CCDC191: variants seen among roughly 807,000 people sequenced by gnomAD.
The protein encoded by CCDC191 is coiled-coil domain-containing protein 191.
CCDC191 carries 99 observed loss-of-function variants against 114.0 expected under a neutral mutation model. The observed-to-expected ratio is 0.87, with a 90% confidence interval of 0.74 to 1.03. The LOEUF (loss-of-function observed/expected upper bound fraction) is 1.03. CCDC191 is among the 50% of genes least tolerant of loss of function. The probability of loss-of-function intolerance (pLI) is 0.00; values close to 1 mark genes in which losing one functional copy is unlikely to be tolerated. For missense variants in CCDC191, 973 were observed against 1,087.0 expected, an observed-to-expected ratio of 0.90 and a Z score of 1.47; for synonymous variants, 351 against 376.0, an observed-to-expected ratio of 0.93 and a Z score of 0.77.
intron 13 of CCDC191, among the ~76,000 whole-genome samples, chr3:113,989,734 T>A (rs895390761): frequency 5.9e-5 from 9 of 152,106 alleles, no homozygotes; most frequent in African/African-American, 1.9e-4. Context: ...GCCTGTAATC[T>A]TACCACTTTG....
At chr3:113,971,724 T>C (rs1940844097) in intron 16 of CCDC191, among the ~76,000 whole-genome samples, 1 of 152,198 alleles carries the variant, frequency 6.6e-6, no homozygotes, top group Non-Finnish European at 1.5e-5. Flanking sequence ...TCTTCAGTTT[T>C]TTTTTGAAGA....
intron 7 of CCDC191, among the ~76,000 whole-genome samples, chr3:114,023,039 A>G (rs1361775987): frequency 6.6e-6 from 1 of 152,174 alleles, no homozygotes; most frequent in Admixed American, 6.5e-5. Context: ...ATGTGCAAAA[A>G]CCATAAGCAT....
At chr3:113,988,662 G>T in intron 13 of CCDC191, among the ~76,000 whole-genome samples, 1 of 148,740 alleles carries the variant, frequency 6.7e-6, no homozygotes, top group East Asian at 2.0e-4. Flanking sequence ...TTTTAATCCA[G>T]TTTTATCAAT....
chr3:114,006,096 C>T, intron 9 of CCDC191, 134 bp from the exon 10 acceptor site: 2 of 801,264 alleles, frequency 2.5e-6, no homozygotes, highest in Non-Finnish European at 4.2e-6. Context: ...GTCTGTGCTC[C>T]TGGCCTGGCT....
At chr3:114,030,970 C>T (rs1277831519) in intron 7 of CCDC191, among the ~76,000 whole-genome samples, 1 of 152,150 alleles carries the variant, frequency 6.6e-6, no homozygotes, top group Non-Finnish European at 1.5e-5. Flanking sequence ...TCTGCCCAGT[C>T]AGTCCTTTTA....
intron 8 of CCDC191, among the ~76,000 whole-genome samples, chr3:114,013,953 T>C (rs2076116146): frequency 6.6e-6 from 1 of 152,176 alleles, no homozygotes; most frequent in African/African-American, 2.4e-5. Flanking sequence ...AGAGTTTTTT[T>C]CCTGAGAATC....
chr3:114,045,385 T>C (rs2076615643), intron 3 of CCDC191, among the ~76,000 whole-genome samples: 1 of 152,124 alleles, frequency 6.6e-6, no homozygotes, highest in African/African-American at 2.4e-5. Context: ...ATTTGTTTAT[T>C]TATTGAGATG....
At chr3:114,027,345 G>A (rs1231744690) in intron 7 of CCDC191, among the ~76,000 whole-genome samples, 2 of 152,192 alleles carry the variant, frequency 1.3e-5, no homozygotes, top group African/African-American at 4.8e-5. Context: ...GCCGGGCGTG[G>A]TGGCTCATGC....
chr3:114,045,669 C>T (rs1004765335), intron 3 of CCDC191, among the ~76,000 whole-genome samples: 1 of 152,172 alleles, frequency 6.6e-6, no homozygotes, highest in Non-Finnish European at 1.5e-5. Context: ...CATACCTTCT[C>T]CTCACTCCCG....
chr3:114,012,467 A>G (rs1459583660), intron 8 of CCDC191, among the ~76,000 whole-genome samples: 2 of 152,230 alleles, frequency 1.3e-5, no homozygotes, highest in African/African-American at 2.4e-5. Flanking sequence ...ATAAACATTT[A>G]TGTATGTTTT....
At position 114,055,005 on chromosome 3, in the gene CCDC191, AAATAAT is replaced by A. The variant is rs541235858; in HGVS notation, c.90+1366_90+1371del. Among the ~76,000 whole-genome samples the A allele has an allele frequency of 1.6e-4, 24 of 150,714 alleles. No individual in the cohort carries two copies. The South Asian group carries it at 2.9e-3, about 18-fold the overall frequency. On this transcript the variant is annotated intron_variant, in intron 1 of 16. Coordinates refer to ENST00000295878, the MANE Select transcript of CCDC191 (RefSeq NM_020817.2). ...GCTTCTTACTCAAATATACTCTTTAAAATAATAATAATAATAATAATAATAAAATAA... is the reference window on the plus strand; with the variant it reads ...GCTTCTTACTCAAATATACTCTTTAAAATAATAATAATAATAATAAAATAA...
intron 16 of CCDC191, among the ~76,000 whole-genome samples, chr3:113,976,831 C>A (rs1941397686): frequency 6.6e-6 from 1 of 152,062 alleles, no homozygotes; most frequent in Non-Finnish European, 1.5e-5. Flanking sequence ...GATATTGAGT[C>A]CTAAACTTCA....
intron 13 of CCDC191, among the ~76,000 whole-genome samples, chr3:113,987,229 T>G (rs2075393949): frequency 6.6e-6 from 1 of 151,222 alleles, no homozygotes; most frequent in African/African-American, 2.4e-5. Context: ...AAATAAAAAC[T>G]GAAGGAATTC....
intron 14 of CCDC191, among the ~76,000 whole-genome samples, chr3:113,979,734 A>G (rs192518047): frequency 1.3e-5 from 2 of 152,260 alleles, no homozygotes; most frequent in Non-Finnish European, 2.9e-5. Flanking sequence ...TGGCAGTCAT[A>G]TTTATTGGCC....
At chr3:113,981,055 T>G (rs1322623259) in intron 13 of CCDC191, among the ~76,000 whole-genome samples, 1 of 152,168 alleles carries the variant, frequency 6.6e-6, no homozygotes, top group African/African-American at 2.4e-5. Context: ...CAGAAATAAT[T>G]TCTCTCTCAC....
chr3:114,012,889 A>T (rs776541953), intron 8 of CCDC191, among the ~76,000 whole-genome samples: 4 of 152,218 alleles, frequency 2.6e-5, no homozygotes, highest in African/African-American at 4.8e-5. Context: ...AAGTAAGAAA[A>T]TGAGTAAAAA....
intron 9 of CCDC191, among the ~76,000 whole-genome samples, chr3:114,006,788 C>A (rs1383632230): frequency 6.6e-6 from 1 of 151,740 alleles, no homozygotes; most frequent in African/African-American, 2.4e-5. Context: ...TCTTTCAATG[C>A]CTCTCCTGAC....
intron 4 of CCDC191, among the ~76,000 whole-genome samples, chr3:114,040,860 G>GC (rs2076550798): frequency 6.6e-6 from 1 of 152,020 alleles, no homozygotes; most frequent in Non-Finnish European, 1.5e-5. Context: ...TTATCAAGTT[G>GC]AAGAATTTCT....
intron 9 of CCDC191, 139 bp from the exon 10 acceptor site, chr3:114,006,101 C>T: frequency 1.3e-6 from 1 of 778,706 alleles, no homozygotes; most frequent in African/African-American, 1.7e-5. Context: ...TGCTCCTGGC[C>T]TGGCTACCTC....
Sources: gnomAD v4.1 joint callset for allele counts (sites outside exome capture counted in the v4.1 genomes callset) on GRCh38, gnomAD v4.1.1 for gene constraint, MANE v1.5 for transcripts, NCBI Gene and HGNC (gene_info 2026-07-23, HGNC 2026-07-21) for gene names.